The following ERGIC1 variants were observed in gnomAD, a reference collection of about 807,000 sequenced individuals.
The protein encoded by ERGIC1 is endoplasmic reticulum-golgi intermediate compartment 1.
Under a neutral mutation model 38.3 loss-of-function variants are expected in ERGIC1, and 19 were observed. That is an observed-to-expected ratio of 0.50 (90% CI 0.35 to 0.73). The LOEUF is 0.73. Among genes scored for constraint, ERGIC1 ranks in the 30% least tolerant of loss-of-function variants. ERGIC1 has a pLI of 0.01. For missense variants in ERGIC1, 294 were observed against 389.2 expected (o/e 0.76, Z 2.06); for synonymous variants, 124 against 157.6 (o/e 0.79, Z 1.60).
At chr5:172,840,712 C>G (rs146399603) in intron 1 of ERGIC1, among the ~76,000 whole-genome samples, 17 of 152,326 alleles carry the variant, frequency 1.1e-4, no homozygotes, top group African/African-American at 3.4e-4. Flanking sequence ...CCGTAACTTT[C>G]TACTAATAAC....
At chr5:172,909,801 T>G in intron 4 of ERGIC1, 40 bp downstream of exon 4, 1 of 1,552,078 alleles carries the variant, frequency 6.4e-7, no homozygotes, top group Non-Finnish European at 8.9e-7. Flanking sequence ...GCAGGACACC[T>G]CCTTAGGGCA....
intron 1 of ERGIC1, among the ~76,000 whole-genome samples, chr5:172,887,355 T>C (rs1762449362): frequency 6.6e-6 from 1 of 152,210 alleles, no homozygotes; most frequent in Admixed American, 6.5e-5. Flanking sequence ...CTACGCAGGT[T>C]CAAGTGAAGG....
chr5:172,902,971 C>A (rs1032160275), intron 3 of ERGIC1, among the ~76,000 whole-genome samples: 9 of 152,132 alleles, frequency 5.9e-5, no homozygotes, highest in South Asian at 2.1e-4. Flanking sequence ...CATTTACACT[C>A]CCCCCACCCA....
At chr5:172,855,284 C>T (rs1347505617) in intron 1 of ERGIC1, among the ~76,000 whole-genome samples, 1 of 152,158 alleles carries the variant, frequency 6.6e-6, no homozygotes, top group Non-Finnish European at 1.5e-5. Flanking sequence ...CTGATCTGGA[C>T]CCAGCAAACA....
intron 1 of ERGIC1, among the ~76,000 whole-genome samples, chr5:172,835,503 G>A (rs1447302036): frequency 1.3e-5 from 2 of 152,158 alleles, no homozygotes; most frequent in South Asian, 2.1e-4. Context: ...ATGATTTAGA[G>A]CTCAGAAATA....
At chr5:172,893,941 A>ATATATATG (rs1762648387) in intron 2 of ERGIC1, among the ~76,000 whole-genome samples, 2 of 38,666 alleles carry the variant, frequency 5.2e-5, no homozygotes, top group South Asian at 9.5e-4. Context: ...GTGTGTATAT[A>ATATATATG]TATATATATA....
chr5:172,943,988 GGAAGGCCAA>G (rs1374697095), intron 9 of ERGIC1, among the ~76,000 whole-genome samples: 1 of 152,212 alleles, frequency 6.6e-6, no homozygotes, highest in African/African-American at 2.4e-5. Flanking sequence ...TAGTCACAGT[GGAAGGCCAA>G]GAAGCTGACG....
intron 7 of ERGIC1, among the ~76,000 whole-genome samples, chr5:172,931,411 C>T (rs755492548): frequency 6.6e-6 from 1 of 152,196 alleles, no homozygotes; most frequent in Non-Finnish European, 1.5e-5. Flanking sequence ...CCACGGTCCA[C>T]TTGGTACCAG....
At chr5:172,890,752 G>A (rs1440450449) in intron 2 of ERGIC1, among the ~76,000 whole-genome samples, 1 of 152,222 alleles carries the variant, frequency 6.6e-6, no homozygotes, top group Non-Finnish European at 1.5e-5. Flanking sequence ...CTAGTGCCTG[G>A]TGTGGGAGAG....
At chr5:172,868,861 A>G (rs1561709736) in intron 1 of ERGIC1, among the ~76,000 whole-genome samples, 1 of 152,222 alleles carries the variant, frequency 6.6e-6, no homozygotes, top group East Asian at 1.9e-4. Flanking sequence ...AAACTGCTCT[A>G]AAAATATAGC....
intron 5 of ERGIC1, chr5:172,920,354 C>T (rs747208952): frequency 1.1e-5 from 8 of 717,710 alleles, no homozygotes; most frequent in African/African-American, 7.0e-5. Flanking sequence ...CCTCCTTATC[C>T]GACCCCCAGG....
chr5:172,906,080 T>C (rs147476947), intron 3 of ERGIC1: 2 of 456,236 alleles, frequency 4.4e-6, no homozygotes, highest in Admixed American at 4.7e-5. Flanking sequence ...TAGTCCTGTC[T>C]GTCATAACCT....
intron 9 of ERGIC1, 157 bp downstream of exon 9, chr5:172,935,467 G>A: frequency 7.8e-6 from 7 of 894,428 alleles, no homozygotes; most frequent in Non-Finnish European, 1.2e-5. Context: ...CGACCCCAAG[G>A]ATGCTGAGAA....
chr5:172,845,029 G>A (rs1444385922), intron 1 of ERGIC1, among the ~76,000 whole-genome samples: 1 of 93,858 alleles, frequency 1.1e-5, no homozygotes, highest in African/African-American at 2.6e-5. Context: ...TCTTGAGGAG[G>A]ACGCAGGGGT....
intron 1 of ERGIC1, among the ~76,000 whole-genome samples, chr5:172,851,415 A>G (rs1484119789): frequency 6.6e-6 from 1 of 152,092 alleles, no homozygotes; most frequent in African/African-American, 2.4e-5. Flanking sequence ...AGGCTGAGAC[A>G]GGAGATTCGC....
In ERGIC1 at chr5:172,950,866, C is replaced by A; in HGVS notation, c.*50C>A. ...GGACCCTGGGCATCGCCAGCCTTGC[C>A]TCCAGTGCCCTGTCTCCTTTGGCCC... is the stretch of plus-strand genomic sequence containing the variant. On this transcript the variant is annotated 3_prime_UTR_variant, in exon 10 of 10. Transcript: ENST00000393784. 1 of 1,511,674 alleles carries A rather than the reference C, an allele frequency of 6.6e-7. No homozygotes were observed. The highest frequency in any genetic ancestry group is 9.1e-7 in the Non-Finnish European group (1 of 1,104,114). The allele number at this position is 1,511,674 out of a possible 1,614,324, so 93.6% of individuals were successfully genotyped here. A position where few individuals can be genotyped will look rare whatever the true frequency, so the allele number is the denominator to read the frequency against.
intron 2 of ERGIC1, among the ~76,000 whole-genome samples, chr5:172,889,122 T>C (rs1024708975): frequency 1.3e-5 from 2 of 151,978 alleles, no homozygotes; most frequent in African/African-American, 4.8e-5. Context: ...CCGTCTCTAT[T>C]AAAAATACAA....
chr5:172,936,505 G>C (rs769397229), intron 9 of ERGIC1: 1 of 152,332 alleles, frequency 6.6e-6, no homozygotes, highest in South Asian at 2.1e-4. Flanking sequence ...GAGGAATGAG[G>C]TTTCTCAAGA....
At position 172,935,004 on chromosome 5, in the gene ERGIC1, G is replaced by A. The variant is rs1033555926; in HGVS notation, c.643-184G>A. 6.0e-5 allele frequency: 48 copies of A among 801,636 alleles called. No homozygotes were observed. The African/African-American group carries it at 8.0e-4, about 13-fold the overall frequency. The allele number at this position is 801,636 out of a possible 1,614,324, so 49.7% of individuals were successfully genotyped here. ...AAGGGTATCAAAAATGCCCAGCTGTGCACGGCAGAGTTCAGGGCCTCCAGG... is the reference window on the plus strand; with the variant it reads ...AAGGGTATCAAAAATGCCCAGCTGTACACGGCAGAGTTCAGGGCCTCCAGG... On this transcript the variant is annotated intron_variant, in intron 8 of 9. Transcript: ENST00000393784.
Sources: gnomAD v4.1 joint callset for allele counts (sites outside exome capture counted in the v4.1 genomes callset) on GRCh38, gnomAD v4.1.1 for gene constraint, MANE v1.5 for transcripts, NCBI Gene and HGNC (gene_info 2026-07-23, HGNC 2026-07-21) for gene names.